QTMAN: variants seen among roughly 807,000 people sequenced by gnomAD.
The protein encoded by QTMAN is queuosine-tRNA mannosyltransferase, also known as tRNA-queuosine alpha-mannosyltransferase.
chr2:143,954,145 C>T, the QTMAN span, among the ~76,000 whole-genome samples: 3 of 151,838 alleles, frequency 2.0e-5, no homozygotes, highest in Non-Finnish European at 2.9e-5. Flanking sequence ...TTATTATAAG[C>T]ACAGCTATAA....
chr2:144,023,415 T>C, the QTMAN span, among the ~76,000 whole-genome samples: 1 of 152,252 alleles, frequency 6.6e-6, no homozygotes, highest in Non-Finnish European at 1.5e-5. Flanking sequence ...CTCAAATCTC[T>C]GCTCTTATGG....
the QTMAN span, among the ~76,000 whole-genome samples, chr2:144,168,694 T>C: frequency 6.6e-6 from 1 of 152,148 alleles, no homozygotes; most frequent in Non-Finnish European, 1.5e-5. Flanking sequence ...AATGGACCCT[T>C]GGCTGATTAT....
At chr2:144,182,829 ATATATATATAT>A in the QTMAN span, among the ~76,000 whole-genome samples, 159 of 61,176 alleles carry the variant, frequency 2.6e-3, 6 homozygotes, top group Non-Finnish European at 3.7e-3. Flanking sequence ...TATATATATA[ATATATATATAT>A]TATATATATA....
chr2:144,259,558 C>T, the QTMAN span, among the ~76,000 whole-genome samples: 4 of 152,112 alleles, frequency 2.6e-5, no homozygotes, highest in Admixed American at 2.0e-4. Flanking sequence ...TTTTGGCGAG[C>T]GACCAAGCAT....
the QTMAN span, among the ~76,000 whole-genome samples, chr2:144,182,808 AATATATATATTATATATAT>A: frequency 9.5e-5 from 5 of 52,528 alleles, no homozygotes; most frequent in African/African-American, 4.0e-4. Context: ...TTATATATAT[AATATATATATTATATATAT>A]AATATATATA....
chr2:144,217,873 C>T, the QTMAN span, among the ~76,000 whole-genome samples: 1 of 152,164 alleles, frequency 6.6e-6, no homozygotes, highest in East Asian at 1.9e-4. Flanking sequence ...CAAGCAAAGT[C>T]AAGGTTCTCT....
At chr2:144,107,041 A>G in the QTMAN span, among the ~76,000 whole-genome samples, 2 of 152,228 alleles carry the variant, frequency 1.3e-5, no homozygotes, top group African/African-American at 4.8e-5. Context: ...AGAAATAAAG[A>G]TGTTCTTTGA....
chr2:144,095,908 A>T, the QTMAN span, among the ~76,000 whole-genome samples: 3 of 152,176 alleles, frequency 2.0e-5, no homozygotes, highest in Non-Finnish European at 4.4e-5. Flanking sequence ...TGTTACATAC[A>T]CAAGTTTCAG....
At chr2:144,119,698 C>T in the QTMAN span, among the ~76,000 whole-genome samples, 1 of 152,142 alleles carries the variant, frequency 6.6e-6, no homozygotes, top group East Asian at 1.9e-4. Context: ...AGACAGAGTA[C>T]CTGCTTCATG....
chr2:144,224,572 G>T, the QTMAN span, among the ~76,000 whole-genome samples: 3 of 152,178 alleles, frequency 2.0e-5, no homozygotes, highest in African/African-American at 7.2e-5. Context: ...GAGGGCTGGT[G>T]TGAGGAGGTT....
the QTMAN span, among the ~76,000 whole-genome samples, chr2:144,212,777 T>C: frequency 6.6e-6 from 1 of 152,318 alleles, no homozygotes; most frequent in Admixed American, 6.5e-5. Flanking sequence ...TATTCCCCAA[T>C]GACACCAGAT....
At chr2:144,067,216 A>T in the QTMAN span, among the ~76,000 whole-genome samples, 1 of 152,246 alleles carries the variant, frequency 6.6e-6, no homozygotes, top group African/African-American at 2.4e-5. Context: ...AAATGGAAGG[A>T]CTAGGATTTA....
the QTMAN span, among the ~76,000 whole-genome samples, chr2:144,083,801 CG>C: frequency 2.0e-5 from 3 of 151,800 alleles, no homozygotes; most frequent in Non-Finnish European, 2.9e-5. Flanking sequence ...TCACCCAGCC[CG>C]AAGTTTCTAT....
the QTMAN span, among the ~76,000 whole-genome samples, chr2:143,975,774 A>G: frequency 6.6e-6 from 1 of 152,190 alleles, no homozygotes; most frequent in Admixed American, 6.5e-5. Context: ...GGGTTGCCAC[A>G]TGGAGGAGAG....
At chr2:144,222,122 T>G in the QTMAN span, among the ~76,000 whole-genome samples, 5 of 151,976 alleles carry the variant, frequency 3.3e-5, no homozygotes, top group African/African-American at 4.8e-5. Context: ...TGCAGTGGCG[T>G]GATCTCGGCT....
the QTMAN span, among the ~76,000 whole-genome samples, chr2:144,198,283 C>T: frequency 6.6e-6 from 1 of 151,788 alleles, no homozygotes; most frequent in Non-Finnish European, 1.5e-5. Context: ...ACTCAATTCA[C>T]GTGGTTTGAA....
the QTMAN span, among the ~76,000 whole-genome samples, chr2:143,959,453 T>A: frequency 6.6e-6 from 1 of 152,260 alleles, no homozygotes; most frequent in South Asian, 2.1e-4. Flanking sequence ...ACAGTTTGAT[T>A]TGGCATTCTT....
chr2:144,332,970 C>T, the QTMAN span, among the ~76,000 whole-genome samples: 2 of 152,194 alleles, frequency 1.3e-5, no homozygotes, highest in African/African-American at 4.8e-5. Context: ...ATCTCCTTTC[C>T]TGGTCCACTC....
chr2:143,947,357 T>A, the QTMAN span, among the ~76,000 whole-genome samples: 8 of 152,198 alleles, frequency 5.3e-5, no homozygotes, highest in African/African-American at 1.9e-4. Flanking sequence ...AGAAGGCTAC[T>A]GTTTTCTGCA....
Sources: allele counts gnomAD v4.1 joint callset (sites outside exome capture counted in the v4.1 genomes callset), GRCh38; gene constraint gnomAD v4.1.1; transcripts MANE v1.5; gene names NCBI Gene and HGNC (gene_info 2026-07-23, HGNC 2026-07-21).